Variants in DNAH6 observed in about 807,000 individuals in gnomAD.
DNAH6 encodes dynein axonemal heavy chain 6.
A neutral mutation model predicts 491.4 loss-of-function variants in DNAH6; 340 were observed. That is an observed-to-expected ratio of 0.69 (90% CI 0.63 to 0.76). The LOEUF is 0.76. DNAH6 is among the 30% of genes least tolerant of loss of function. The pLI is 0.00. For synonymous variants in DNAH6, 1,603 were observed against 1,686.1 expected (o/e 0.95, Z 1.21); for missense variants, 4,443 against 4,972.2 (o/e 0.89, Z 3.20).
intron 29 of DNAH6, among the ~76,000 whole-genome samples, chr2:84,626,012 A>G (rs1687820607): frequency 6.6e-6 from 1 of 152,218 alleles, no homozygotes; most frequent in South Asian, 2.1e-4. Context: ...AACCATATAC[A>G]CATCTTTTCG....
chr2:84,813,111 T>C lies in DNAH6; in HGVS notation c.11979T>C (p.Phe3993=). 1.3e-6 allele frequency: 2 copies of C among 1,551,864 alleles called. No individual in the cohort carries two copies. Among genetic ancestry groups the C allele is most frequent in the African/African-American group, 1.4e-5 (1 of 73,172 alleles). The change falls in exon 74 of 77, where the codon TTT becomes TTC. Residue 3993 remains phenylalanine, a synonymous_variant. Transcript: ENST00000389394. ...CCTACTGGATCTCTGGTTTCTTCTTTCCTCAAGGATTTCTAACAGGTACCA... is the reference window on the plus strand; with the variant it reads ...CCTACTGGATCTCTGGTTTCTTCTTCCCTCAAGGATTTCTAACAGGTACCA... ...PKSYWISGFF[F]PQGFLTGTLQ...
At chr2:84,518,127 A>G in intron 2 of DNAH6, 76 bp downstream of exon 2, 2 of 1,075,566 alleles carry the variant, frequency 1.9e-6, no homozygotes, top group Non-Finnish European at 2.7e-6. Context: ...GATAGAAGTC[A>G]TGTCCAGACT....
At chr2:84,506,693 T>C in the DNAH6 span, among the ~76,000 whole-genome samples, 4 of 10,436 alleles carry the variant, frequency 3.8e-4, no homozygotes, top group Non-Finnish European at 5.7e-4. Flanking sequence ...AGAGTTTTTA[T>C]GGCTTTAGTT....
chr2:84,530,415 T>C (rs1677052407), intron 4 of DNAH6, among the ~76,000 whole-genome samples: 1 of 152,074 alleles, frequency 6.6e-6, no homozygotes, highest in Non-Finnish European at 1.5e-5. Flanking sequence ...GGAAAATGAA[T>C]ACAAACATCC....
intron 35 of DNAH6, 68 bp from the exon 36 acceptor site, chr2:84,658,224 C>A: frequency 1.8e-6 from 2 of 1,126,394 alleles, no homozygotes; most frequent in South Asian, 2.2e-5. Context: ...AGATTTTAAC[C>A]AACCTAATTC....
At chr2:84,804,579 A>C (rs985324278) in intron 70 of DNAH6, among the ~76,000 whole-genome samples, 51 of 151,816 alleles carry the variant, frequency 3.4e-4, no homozygotes, top group African/African-American at 1.2e-3. Context: ...CTACCTTCAA[A>C]TTTTTCTGTA....
intron 71 of DNAH6, among the ~76,000 whole-genome samples, chr2:84,807,570 A>G (rs1679538201): frequency 6.6e-6 from 1 of 152,154 alleles, no homozygotes; most frequent in African/African-American, 2.4e-5. Context: ...TTTCCTATGC[A>G]GTGCAGGTGA....
the DNAH6 span, among the ~76,000 whole-genome samples, chr2:84,499,925 A>G: frequency 1.3e-5 from 2 of 148,588 alleles, no homozygotes; most frequent in Admixed American, 1.3e-4. Flanking sequence ...TTAGTTCCTT[A>G]TATATTCCGG....
intron 22 of DNAH6, among the ~76,000 whole-genome samples, chr2:84,614,578 A>G (rs576991650): frequency 2.0e-5 from 3 of 152,154 alleles, no homozygotes; most frequent in African/African-American, 7.2e-5. Context: ...CAAATGGTAG[A>G]TCAATTTTTT....
chr2:84,569,641 T>C (rs1480230492), intron 11 of DNAH6, among the ~76,000 whole-genome samples: 3 of 152,202 alleles, frequency 2.0e-5, no homozygotes, highest in Non-Finnish European at 2.9e-5. Flanking sequence ...ATGTATCCTG[T>C]GGATGAAAAA....
intron 19 of DNAH6, 119 bp from the exon 20 acceptor site, chr2:84,605,381 G>T (rs542779241): frequency 4.6e-5 from 29 of 629,620 alleles, no homozygotes; most frequent in African/African-American, 3.4e-4. Context: ...GAATTTTAGA[G>T]AGCAATAAGG....
intron 61 of DNAH6, among the ~76,000 whole-genome samples, 160 bp from the exon 62 acceptor site, chr2:84,733,284 T>C (rs188882385): frequency 1.3e-5 from 2 of 152,334 alleles, no homozygotes; most frequent in African/African-American, 2.4e-5. Flanking sequence ...ACAATTAGAA[T>C]TGATTCAACA....
intron 2 of DNAH6, among the ~76,000 whole-genome samples, chr2:84,524,796 T>C (rs1305274266): frequency 1.3e-5 from 2 of 152,120 alleles, no homozygotes; most frequent in East Asian, 3.9e-4. Context: ...TTTCTTCTTG[T>C]TCTCAACTTG....
chr2:84,502,217 G>A, the DNAH6 span, among the ~76,000 whole-genome samples: 26 of 152,120 alleles, frequency 1.7e-4, no homozygotes, highest in Admixed American at 5.9e-4. Context: ...TTGGTATATT[G>A]TGTTTTCATT....
chr2:84,618,531 T>C (rs140084874), intron 23 of DNAH6, among the ~76,000 whole-genome samples: 1 of 151,998 alleles, frequency 6.6e-6, no homozygotes, highest in African/African-American at 2.4e-5. Flanking sequence ...ATTCACTAAA[T>C]GCTGGTTTAT....
intron 37 of DNAH6, among the ~76,000 whole-genome samples, chr2:84,664,715 C>G (rs1314987104): frequency 1.3e-5 from 2 of 152,136 alleles, no homozygotes; most frequent in Non-Finnish European, 2.9e-5. Flanking sequence ...CAAGGATATC[C>G]AGGAATTGAA....
At chr2:84,708,478 G>T (rs1281886709) in intron 54 of DNAH6, among the ~76,000 whole-genome samples, 1 of 109,710 alleles carries the variant, frequency 9.1e-6, no homozygotes, top group Admixed American at 9.2e-5. Flanking sequence ...GAGAGAAAGG[G>T]GGGGGGGAGG....
intron 64 of DNAH6, among the ~76,000 whole-genome samples, chr2:84,768,082 A>C (rs1471094896): frequency 6.6e-6 from 1 of 152,144 alleles, no homozygotes; most frequent in Non-Finnish European, 1.5e-5. Flanking sequence ...GAAACCCAAA[A>C]ATAAATTAAG....
intron 11 of DNAH6, among the ~76,000 whole-genome samples, chr2:84,568,543 A>G (rs1350268283): frequency 6.6e-6 from 1 of 152,074 alleles, no homozygotes; most frequent in African/African-American, 2.4e-5. Flanking sequence ...GAGGGGAACA[A>G]CACACACTGG....
Sources: allele counts gnomAD v4.1 joint callset (sites outside exome capture counted in the v4.1 genomes callset), GRCh38; gene constraint gnomAD v4.1.1; transcripts MANE v1.5; gene names NCBI Gene and HGNC (gene_info 2026-07-23, HGNC 2026-07-21).